MICALL1: variants seen among roughly 807,000 people sequenced by gnomAD.
MICALL1 encodes the protein MICAL-like protein 1.
In MICALL1, 61 loss-of-function variants were observed where a neutral mutation model predicts 83.7. The ratio of observed to expected loss-of-function variants is 0.73; its 90% CI spans 0.59 to 0.90. The LOEUF is 0.90. MICALL1 is among the 40% of genes least tolerant of loss of function. The pLI is 0.00. For missense variants in MICALL1, 1,066 were observed against 1,152.0 expected (o/e 0.93, Z 1.08); for synonymous variants, 481 against 473.6 (o/e 1.02, Z -0.20).
chr22:37,933,176 G>T, intron 13 of MICALL1, 64 bp downstream of exon 13: 1 of 1,551,020 alleles, frequency 6.4e-7, no homozygotes. Flanking sequence ...GGAGGAGTGG[G>T]GGAGCGGGCA....
In MICALL1 at chr22:37,940,821, C is replaced by A. The variant is rs778667378; in HGVS notation, c.2583C>A (p.Asp861Glu). Residue 861 changes from aspartate (D) to glutamate (E), a missense_variant, in exon 16 of 16, where the codon GAC becomes GAA. Asp to Glu is a conservative substitution (Grantham distance 45). Transcript: ENST00000215957. ...ATGCCAAGAGCAAGTCCCCCAGAGA[C>A]AAGAGCTAACAGCACGAGAAGCCAG... ...KRDAKSKSPR[D>E]KS is the part of the protein sequence containing the mutation. 6.2e-7 allele frequency: 1 copy of A among 1,613,930 alleles called. No individual in the cohort carries two copies. The highest frequency in any genetic ancestry group is 8.5e-7 in the Non-Finnish European group (1 of 1,179,870).
chr22:37,931,697 C>G, intron 9 of MICALL1, 102 bp from the exon 10 acceptor site: 2 of 1,437,704 alleles, frequency 1.4e-6, no homozygotes, highest in Non-Finnish European at 1.9e-6. Flanking sequence ...CCTGCTGGCC[C>G]TGGAGTGCTG....
rs551906592 is a variant in MICALL1, at chr22:37,940,224, G to C, written c.2471-485G>C. Among the ~76,000 whole-genome samples, 10 of 152,018 alleles carry C rather than the reference G, an allele frequency of 6.6e-5. No individual in the cohort carries two copies. In the South Asian group the frequency reaches 2.1e-3, roughly 32 times the overall value. ...GGGGATCACGAGGTCAGGAGATCGA[G>C]AGCATTCTGGCTAACAGTGAAACCC... On this transcript the variant is annotated intron_variant, in intron 15 of 15. Transcript: ENST00000215957.
chr22:37,922,744 G>C (rs549387215), intron 6 of MICALL1, among the ~76,000 whole-genome samples: 1 of 144,768 alleles, frequency 6.9e-6, no homozygotes, highest in African/African-American at 2.5e-5. Flanking sequence ...TGAGTAGCTG[G>C]GATTACAGGC....
At chr22:37,939,672 G>C (rs1405749672) in intron 15 of MICALL1, among the ~76,000 whole-genome samples, 2 of 151,596 alleles carry the variant, frequency 1.3e-5, no homozygotes, top group African/African-American at 4.8e-5. Context: ...TACTCGGGAG[G>C]CTGAGGCAGA....
intron 5 of MICALL1, among the ~76,000 whole-genome samples, chr22:37,920,438 A>C (rs1319409720): frequency 6.6e-6 from 1 of 151,814 alleles, no homozygotes; most frequent in Non-Finnish European, 1.5e-5. Context: ...GACTCTACCA[A>C]CACAGTCACA....
In MICALL1 at chr22:37,932,245, T is replaced by C. The variant is rs1452120284; in HGVS notation, c.2017-308T>C. The stretch of plus-strand genomic sequence containing the variant: ...TAGAGTGTTCTCAAGTTTATCTCTG[T>C]AATAAGGTCACTCTCACTGACATTG... On this transcript the variant is annotated intron_variant, in intron 10 of 15. Transcript: ENST00000215957. The surrounding 1 kb of genome is among the most constrained non-coding windows in gnomAD (Gnocchi z 4.4). Among the ~76,000 whole-genome samples the C allele has an allele frequency of 3.9e-5, 6 of 152,366 alleles. No homozygotes were observed. The highest frequency in any genetic ancestry group is 3.4e-3 in the Middle Eastern group (1 of 294).
rs779728275 is a variant in MICALL1, at chr22:37,927,386, G to A, written c.1466-25G>A. ...AGCCCTTGTGGTGCTCCCCTTGTGA[G>A]GTGTCCTGGTGCTCGTCCGCACAGC... On this transcript the variant is annotated intron_variant, in intron 8 of 15. Coordinates refer to ENST00000215957, the MANE Select transcript of MICALL1 (RefSeq NM_033386.4). 11 of 1,539,876 alleles carry A rather than the reference G, an allele frequency of 7.1e-6. No homozygotes were observed. The South Asian group carries it at 1.2e-4, about 17-fold the overall frequency.
chr22:37,924,553 A>G lies in MICALL1; in HGVS notation c.1025-107A>G. 1.8e-6 allele frequency: 2 copies of G among 1,090,560 alleles called. No individual in the cohort carries two copies. The highest frequency in any genetic ancestry group is 2.7e-6 in the Non-Finnish European group (2 of 741,750). The allele number at this position is 1,090,560 out of a possible 1,614,324, so 67.6% of individuals were successfully genotyped here. A position where few individuals can be genotyped will look rare whatever the true frequency, so the allele number is the denominator to read the frequency against. On this transcript the variant is annotated intron_variant, in intron 6 of 15. Transcript: ENST00000215957. The surrounding 1 kb of genome is among the most constrained non-coding windows in gnomAD (Gnocchi z 5.2). The stretch of plus-strand genomic sequence containing the variant: ...TGGCCTGGGGAGGTGCGAGGGTGCC[A>G]GGAGGAAGGCGGGGCGCTCCTGGGG...
At chr22:37,923,040 G>A (rs80297317) in intron 6 of MICALL1, among the ~76,000 whole-genome samples, 8,018 of 150,858 alleles carry the variant, frequency 0.053, 695 homozygotes, top group African/African-American at 0.18. Flanking sequence ...GCTTCAATCA[G>A]TTATCCTGCC....
At position 37,932,777 on chromosome 22, in the gene MICALL1, C is replaced by T; in HGVS notation, c.2144-21C>T. On this transcript the variant is annotated intron_variant, in intron 11 of 15. Coordinates refer to ENST00000215957, the MANE Select transcript of MICALL1 (RefSeq NM_033386.4). The surrounding 1 kb of genome is among the most constrained non-coding windows in gnomAD (Gnocchi z 4.4). ...CAGGCATGGCAGCCAGCCCTGGCCT[C>T]AGTGGGTATCTGGCTTCCAGAGGGC... The T allele has an allele frequency of 1.2e-6, 2 of 1,613,958 alleles. No homozygotes were observed. Among genetic ancestry groups the T allele is most frequent in the Non-Finnish European group, 8.5e-7 (1 of 1,179,956 alleles).
At position 37,913,048 on chromosome 22, in the gene MICALL1, C is replaced by T. The variant is rs1601806682; in HGVS notation, c.337+556C>T. The stretch of plus-strand genomic sequence containing the variant: ...CACGATCTTGTCTCACTGCAACCTC[C>T]GCTTCCTGAGTTTAAGCAATTCTCC... On this transcript the variant is annotated intron_variant, in intron 3 of 15. Coordinates refer to ENST00000215957, the MANE Select transcript of MICALL1 (RefSeq NM_033386.4). 4.0e-5 allele frequency among the ~76,000 whole-genome samples: 6 copies of T among 151,876 alleles called. No individual in the cohort carries two copies. In the South Asian group the frequency reaches 6.3e-4, roughly 16 times the overall value.
At chr22:37,926,923 C>T (rs552635130) in intron 8 of MICALL1, 1 of 163,664 alleles carries the variant, frequency 6.1e-6, no homozygotes, top group Non-Finnish European at 1.3e-5. Context: ...GCCCTCTCCT[C>T]TCTAAGCCTG....
Position 37,924,508 on chromosome 22 carries a change from C to CT in MICALL1, c.1025-150dup. On this transcript the variant is annotated intron_variant, in intron 6 of 15. Coordinates refer to ENST00000215957, the MANE Select transcript of MICALL1 (RefSeq NM_033386.4). This position sits in a 1 kb window ranked among gnomAD's most constrained non-coding sequence, Gnocchi z 5.2. ...CTGACTGTTCTCAGGCACCTGGGTG[C>CT]TTATCTAATCTCCATGGGCTGGCCT... 1.6e-6 allele frequency: 1 copy of CT among 631,556 alleles called. No homozygotes were observed. The highest frequency in any genetic ancestry group is 2.7e-6 in the Non-Finnish European group (1 of 375,220). 39.1% of individuals were successfully genotyped at this position (631,556 alleles called of 1,614,324 possible). A position where few individuals can be genotyped will look rare whatever the true frequency, so the allele number is the denominator to read the frequency against.
In MICALL1 at chr22:37,925,915, C is replaced by T; in HGVS notation, c.1337C>T (p.Thr446Ile). The T allele has an allele frequency of 6.2e-7, 1 of 1,612,936 alleles. No individual in the cohort carries two copies. Among genetic ancestry groups the T allele is most frequent in the Non-Finnish European group, 8.5e-7 (1 of 1,179,500 alleles). ...EEAPAAPSLA[T>I]SPALGHPEST... is the part of the protein sequence containing the mutation. ...GCTCCAGCTGCACCCAGCCTGGCCA[C>T]CAGCCCTGCCCTGGGCCACCCGGAG... The change falls in exon 8 of 16, where the codon ACC becomes ATC. Residue 446 changes from threonine to isoleucine, a missense_variant. Physicochemically the swap from Thr to Ile is moderately conservative, Grantham distance 89. Coordinates refer to ENST00000215957, the MANE Select transcript of MICALL1 (RefSeq NM_033386.4).
In MICALL1 at chr22:37,931,811, GAGAATCCTTTTA is replaced by G. The variant is rs1929802041; in HGVS notation, c.1896_1907del (p.Glu632_Asn636delinsAsp). 1 of 1,613,904 alleles carries G rather than the reference GAGAATCCTTTTA, an allele frequency of 6.2e-7. No homozygotes were observed. Among genetic ancestry groups the G allele is most frequent in the Non-Finnish European group, 8.5e-7 (1 of 1,180,014 alleles). ...TCCTTCCCTTTAGTCCTCCTGCAAG[GAGAATCCTTTTA>G]ACCGGAAGCCATCACCTGCAGCGTC... On this transcript the variant is annotated inframe_deletion, in exon 10 of 16. Coordinates refer to ENST00000215957, the MANE Select transcript of MICALL1 (RefSeq NM_033386.4).
chr22:37,911,111 C>A (rs1928295894), intron 1 of MICALL1, among the ~76,000 whole-genome samples: 1 of 144,446 alleles, frequency 6.9e-6, no homozygotes, highest in Non-Finnish European at 1.5e-5. Context: ...ATAAAGCCTG[C>A]AGGCCAGCCA....
intron 9 of MICALL1, 135 bp from the exon 10 acceptor site, chr22:37,931,664 G>T: frequency 9.9e-7 from 1 of 1,009,852 alleles, no homozygotes; most frequent in East Asian, 2.4e-5. Context: ...CGGAATTCAA[G>T]GAGACTGTCT....
Position 37,932,438 on chromosome 22 carries a change from TG to T in MICALL1, c.2017-110del. 1 of 1,490,760 alleles carries T rather than the reference TG, an allele frequency of 6.7e-7. No individual in the cohort carries two copies. The allele number at this position is 1,490,760 out of a possible 1,614,324, so 92.3% of individuals were successfully genotyped here. ...ACCCTGCCTTCTTACCATGCTGGGGTGGGGGACAGGGCCCGGGCCCTGGAGC... is the reference window on the plus strand; with the variant it reads ...ACCCTGCCTTCTTACCATGCTGGGGTGGGGACAGGGCCCGGGCCCTGGAGC... On this transcript the variant is annotated intron_variant, in intron 10 of 15. Coordinates refer to ENST00000215957, the MANE Select transcript of MICALL1 (RefSeq NM_033386.4). The surrounding 1 kb of genome is among the most constrained non-coding windows in gnomAD (Gnocchi z 4.4).
Sources: gnomAD v4.1 joint callset for allele counts (sites outside exome capture counted in the v4.1 genomes callset) on GRCh38, gnomAD v4.1.1 for gene constraint, Gnocchi (gnomAD v3.1) non-coding constraint, MANE v1.5 for transcripts, NCBI Gene and HGNC (gene_info 2026-07-23, HGNC 2026-07-21) for gene names.